Variants in KCNH1 observed in about 807,000 individuals in gnomAD.
KCNH1 encodes voltage-gated delayed rectifier potassium channel KCNH1.
In KCNH1, 27 loss-of-function variants were observed where a neutral mutation model predicts 69.2. The observed-to-expected ratio is 0.39, with a 90% CI of 0.29 to 0.54. The LOEUF is 0.54. KCNH1 is among the 20% of genes least tolerant of loss of function. KCNH1 has a pLI of 0.68. For synonymous variants in KCNH1, 456 were observed against 487.7 expected (o/e 0.93, Z 0.86); for missense variants, 798 against 1,261.6 (o/e 0.63, Z 5.57).
At chr1:210,983,880 G>A (rs967590367) in intron 6 of KCNH1, among the ~76,000 whole-genome samples, 2 of 152,132 alleles carry the variant, frequency 1.3e-5, no homozygotes, top group African/African-American at 4.8e-5. Flanking sequence ...CCATTTTCGT[G>A]ATATTGATTC....
intron 7 of KCNH1, among the ~76,000 whole-genome samples, chr1:210,855,844 G>C (rs1041043967): frequency 1.3e-5 from 2 of 152,128 alleles, no homozygotes; most frequent in Admixed American, 6.5e-5. Flanking sequence ...CATTCCACCT[G>C]CAAGTACTTG....
chr1:211,059,522 C>A (rs113709708), intron 5 of KCNH1, among the ~76,000 whole-genome samples: 2 of 152,064 alleles, frequency 1.3e-5, no homozygotes, highest in African/African-American at 4.8e-5. Context: ...GCGGGTGGAT[C>A]ATGAGGTCAG....
intron 8 of KCNH1, among the ~76,000 whole-genome samples, chr1:210,802,421 C>T (rs959482812): frequency 1.3e-5 from 2 of 151,860 alleles, no homozygotes; most frequent in Non-Finnish European, 2.9e-5. Context: ...TTCTAACGGT[C>T]GAAAGAATCA....
At chr1:210,795,195 G>T (rs1267372527) in intron 9 of KCNH1, among the ~76,000 whole-genome samples, 1 of 152,062 alleles carries the variant, frequency 6.6e-6, no homozygotes, top group South Asian at 2.1e-4. Flanking sequence ...CTGTCACTCA[G>T]GCCTCAGGCT....
chr1:211,030,266 GT>G (rs1160378181), intron 5 of KCNH1, among the ~76,000 whole-genome samples: 3 of 152,096 alleles, frequency 2.0e-5, no homozygotes, highest in African/African-American at 7.2e-5. Flanking sequence ...ACATAACTGG[GT>G]TTTTAGTTTT....
chr1:210,872,812 C>G (rs530657334), intron 7 of KCNH1, among the ~76,000 whole-genome samples: 6 of 152,148 alleles, frequency 3.9e-5, no homozygotes, highest in Non-Finnish European at 7.4e-5. Flanking sequence ...CCAGGTCCCA[C>G]CACCAATAGT....
intron 6 of KCNH1, among the ~76,000 whole-genome samples, chr1:210,976,404 T>A (rs921193236): frequency 2.7e-5 from 4 of 148,586 alleles, no homozygotes; most frequent in African/African-American, 4.9e-5. Context: ...TACAATGAGA[T>A]ACCATCTCAC....
At chr1:210,791,433 T>G (rs1235220331) in intron 9 of KCNH1, among the ~76,000 whole-genome samples, 1 of 152,174 alleles carries the variant, frequency 6.6e-6, no homozygotes, top group Non-Finnish European at 1.5e-5. Context: ...TCCACTATAG[T>G]TGAGAACCAC....
chr1:210,941,887 C>A (rs1205847375), intron 6 of KCNH1, among the ~76,000 whole-genome samples: 1 of 152,252 alleles, frequency 6.6e-6, no homozygotes, highest in Middle Eastern at 3.4e-3. Flanking sequence ...TGACTCTGTC[C>A]TATCTTCACA....
At chr1:211,082,608 A>C (rs1166379621) in intron 5 of KCNH1, among the ~76,000 whole-genome samples, 172 bp downstream of exon 5, 1 of 152,142 alleles carries the variant, frequency 6.6e-6, no homozygotes, top group East Asian at 1.9e-4. Flanking sequence ...AGCTCAAAGG[A>C]GTTAGGTCAC....
chr1:211,133,872 G>C lies in KCNH1; in HGVS notation c.74C>G (p.Ser25Cys). 1 of 1,609,862 alleles carries C rather than the reference G, an allele frequency of 6.2e-7. No homozygotes were observed. The highest frequency in any genetic ancestry group is 2.3e-5 in the East Asian group (1 of 44,292). ...AATCCGAATGCACCTCTTACCATTG[G>C]ACCGCCGAACAATATTCTCCAGAAA... ...NTFLENIVRR[S>C]NDTNFVLGNA... The change falls in exon 1 of 11, where the codon TCC (serine) becomes TGC (cysteine). Residue 25 changes from serine (S) to cysteine (C), a missense_variant. Physicochemically the swap from Ser to Cys is moderately radical, Grantham distance 112. Coordinates refer to ENST00000271751, the MANE Select transcript of KCNH1 (RefSeq NM_172362.3). This position sits in a 1 kb window ranked among gnomAD's most constrained non-coding sequence, Gnocchi z 5.4.
intron 5 of KCNH1, among the ~76,000 whole-genome samples, chr1:211,027,672 A>T (rs955928947): frequency 6.6e-6 from 1 of 152,200 alleles, no homozygotes; most frequent in Non-Finnish European, 1.5e-5. Flanking sequence ...ATAAAACAAT[A>T]GAAACTGTCC....
chr1:210,715,533 G>A (rs907316787), intron 10 of KCNH1, among the ~76,000 whole-genome samples: 3 of 147,476 alleles, frequency 2.0e-5, no homozygotes, highest in South Asian at 2.2e-4. Context: ...AAAAAAAAAC[G>A]TAATGGGATT....
intron 10 of KCNH1, among the ~76,000 whole-genome samples, chr1:210,749,230 G>C (rs1424605171): frequency 6.6e-6 from 1 of 152,078 alleles, no homozygotes; most frequent in Non-Finnish European, 1.5e-5. Context: ...GCTACCTCAG[G>C]CCACCTCAGA....
chr1:210,692,077 A>C (rs58974451), intron 10 of KCNH1, among the ~76,000 whole-genome samples: 11,826 of 152,268 alleles, frequency 0.078, 516 homozygotes, highest in Middle Eastern at 0.12. Context: ...CACTGCTAAC[A>C]GGCAGGCCCC....
At chr1:211,098,637 T>G (rs1558603606) in intron 3 of KCNH1, among the ~76,000 whole-genome samples, 1 of 152,042 alleles carries the variant, frequency 6.6e-6, no homozygotes, top group African/African-American at 2.4e-5. Flanking sequence ...AAAAAAGAAC[T>G]AAAACAATGT....
At chr1:211,072,289 G>A (rs1690659758) in intron 5 of KCNH1, among the ~76,000 whole-genome samples, 1 of 152,082 alleles carries the variant, frequency 6.6e-6, no homozygotes, top group Admixed American at 6.5e-5. Context: ...ATAAAAAAAG[G>A]AAAAATAGAC....
intron 5 of KCNH1, among the ~76,000 whole-genome samples, chr1:211,026,376 C>CAAAAAAAAAA (rs34132386): frequency 1.4e-5 from 1 of 72,692 alleles, no homozygotes. Flanking sequence ...GGAGTATAGA[C>CAAAAAAAAAA]AAAAAAAAAA....
At chr1:210,966,503 T>C (rs535129958) in intron 6 of KCNH1, among the ~76,000 whole-genome samples, 1 of 152,310 alleles carries the variant, frequency 6.6e-6, no homozygotes, top group East Asian at 1.9e-4. Context: ...AGGGCTAATA[T>C]GCAGAATCTA....
Sources: gnomAD v4.1 joint callset for allele counts (sites outside exome capture counted in the v4.1 genomes callset) on GRCh38, gnomAD v4.1.1 for gene constraint, Gnocchi (gnomAD v3.1) non-coding constraint, MANE v1.5 for transcripts, NCBI Gene and HGNC (gene_info 2026-07-23, HGNC 2026-07-21) for gene names.